Variants in SDR9C7 observed in about 807,000 individuals in gnomAD.
The protein encoded by SDR9C7 is short-chain dehydrogenase/reductase family 9C member 7.
SDR9C7 carries 11 observed loss-of-function variants against 23.6 expected under a neutral mutation model. That is an observed-to-expected ratio of 0.47 (90% CI 0.29 to 0.77). SDR9C7 has a LOEUF of 0.77. Among genes scored for constraint, SDR9C7 ranks in the 30% least tolerant of loss-of-function variants. SDR9C7 has a pLI of 0.09. For synonymous variants in SDR9C7, 167 were observed against 157.3 expected (o/e 1.06, Z -0.46); for missense variants, 387 against 407.1 (o/e 0.95, Z 0.42).
In SDR9C7 at chr12:56,934,200, C is replaced by T; in HGVS notation, c.62G>A (p.Gly21Asp). ...GAAGACGTACTTCTCTGAGAGGTTGCCAACCAGATTGCAGTTCTTGAACCA... is the reference window on the plus strand; with the variant it reads ...GAAGACGTACTTCTCTGAGAGGTTGTCAACCAGATTGCAGTTCTTGAACCA... ...YRWFKNCNLV[G>D]NLSEKYVFIT... The change falls in exon 1 of 4, where the codon GGC becomes GAC. Residue 21 changes from glycine (G) to aspartate (D), a missense_variant. Gly to Asp is a moderately conservative substitution (Grantham distance 94). Coordinates refer to ENST00000293502, the MANE Select transcript of SDR9C7 (RefSeq NM_148897.3). The T allele has an allele frequency of 6.2e-7, 1 of 1,614,156 alleles. No individual in the cohort carries two copies. Among genetic ancestry groups the T allele is most frequent in the East Asian group, 2.2e-5 (1 of 44,874 alleles).
intron 3 of SDR9C7, among the ~76,000 whole-genome samples, chr12:56,925,057 A>T (rs188416591): frequency 8.2e-4 from 125 of 152,258 alleles, no homozygotes; most frequent in African/African-American, 2.9e-3. Context: ...CCCACATTTA[A>T]ACAAAAACAT....
chr12:56,933,983 C>T lies in SDR9C7; in HGVS notation c.279G>A (p.Val93=). Residue 93 remains valine (V), a synonymous_variant, in exon 1 of 4, where the codon GTG becomes GTA. Coordinates refer to ENST00000293502, the MANE Select transcript of SDR9C7 (RefSeq NM_148897.3). The part of the protein sequence containing the change: ...SESIKAAAQW[V]RDKVGEQGLW... Reference sequence around the variant, plus strand: ...CACCTTGTTCGCCCACTTTGTCCCTCACCCACTGGGCCGCCGCCTTGATGC... The same window carrying T: ...CACCTTGTTCGCCCACTTTGTCCCTTACCCACTGGGCCGCCGCCTTGATGC... 2 of 1,609,682 alleles carry T rather than the reference C, an allele frequency of 1.2e-6. No individual in the cohort carries two copies. Among genetic ancestry groups the T allele is most frequent in the East Asian group, 2.2e-5 (1 of 44,758 alleles).
At chr12:56,933,569 G>A (rs1188349695) in intron 1 of SDR9C7, among the ~76,000 whole-genome samples, 2 of 152,058 alleles carry the variant, frequency 1.3e-5, no homozygotes, top group African/African-American at 2.4e-5. Context: ...CATGTTGGCC[G>A]GGATGGTCTC....
intron 1 of SDR9C7, among the ~76,000 whole-genome samples, chr12:56,933,655 G>T (rs1371424984): frequency 2.0e-5 from 3 of 152,230 alleles, no homozygotes; most frequent in Non-Finnish European, 2.9e-5. Flanking sequence ...ACCACGCCCA[G>T]CCAGGCACGT....
chr12:56,932,595 A>G (rs964235269), intron 1 of SDR9C7, among the ~76,000 whole-genome samples: 7 of 152,212 alleles, frequency 4.6e-5, no homozygotes, highest in African/African-American at 9.6e-5. Flanking sequence ...GTGAGGTATT[A>G]AGGCAAGTGG....
At chr12:56,928,220 G>C (rs1955746685) in intron 3 of SDR9C7, among the ~76,000 whole-genome samples, 1 of 152,004 alleles carries the variant, frequency 6.6e-6, no homozygotes, top group South Asian at 2.1e-4. Flanking sequence ...ACCTCCCATT[G>C]CTTCCCACCT....
intron 3 of SDR9C7, among the ~76,000 whole-genome samples, chr12:56,928,107 C>T (rs1402502631): frequency 1.3e-5 from 2 of 152,308 alleles, no homozygotes; most frequent in Middle Eastern, 3.4e-3. Context: ...TCACCATGTT[C>T]TTCAAGCTGT....
intron 3 of SDR9C7, among the ~76,000 whole-genome samples, chr12:56,927,034 G>T (rs1360815470): frequency 6.6e-6 from 1 of 152,096 alleles, no homozygotes; most frequent in East Asian, 1.9e-4. Context: ...ATAAACACTG[G>T]GCAACTGAAG....
At chr12:56,932,700 A>G (rs1270911683) in intron 1 of SDR9C7, among the ~76,000 whole-genome samples, 1 of 152,216 alleles carries the variant, frequency 6.6e-6, no homozygotes, top group Admixed American at 6.5e-5. Context: ...ACTCAAATCT[A>G]TTTATTCAGT....
In SDR9C7 at chr12:56,930,415, T is replaced by A. The variant is rs910306940; in HGVS notation, c.371A>T (p.Asp124Val). 1 of 1,614,168 alleles carries A rather than the reference T, an allele frequency of 6.2e-7. No individual in the cohort carries two copies. Among genetic ancestry groups the A allele is most frequent in the Non-Finnish European group, 8.5e-7 (1 of 1,180,026 alleles). ...PSGPNEWLTK[D>V]DFVKVINVNL... ...CACATTAATCACCTTCACAAAGTCA[T>A]CCTTGGTCAGCCATTCGTTGGGACC... The change falls in exon 2 of 4, where the codon GAT (aspartate) becomes GTT (valine). Residue 124 changes from aspartate to valine, a missense_variant. Transcript: ENST00000293502.
In SDR9C7 at chr12:56,926,769, C is replaced by T. The variant is rs150030148; in HGVS notation, c.724+2621G>A. On this transcript the variant is annotated intron_variant, in intron 3 of 3. Transcript: ENST00000293502. ...ACAATGCTATGTCAGGTCACTAAAA[C>T]GTTGCTCACACCCTTCCTCTTGTGT... Among the ~76,000 whole-genome samples, 12 of 152,314 alleles carry T rather than the reference C, an allele frequency of 7.9e-5. No homozygotes were observed. In the East Asian group the frequency reaches 1.9e-3, roughly 24 times the overall value.
chr12:56,925,331 A>G (rs1007579345), intron 3 of SDR9C7, among the ~76,000 whole-genome samples: 5 of 152,188 alleles, frequency 3.3e-5, no homozygotes, highest in Non-Finnish European at 7.3e-5. Flanking sequence ...TCACCCCAGG[A>G]CAGGGGGATT....
chr12:56,923,226 T>G lies in SDR9C7; in HGVS notation c.*607A>C, dbSNP rs562410405. 3 of 152,222 alleles carry G rather than the reference T, an allele frequency of 2.0e-5. No individual in the cohort carries two copies. The highest frequency in any genetic ancestry group is 4.4e-5 in the Non-Finnish European group (3 of 68,046). 9.4% of individuals were successfully genotyped at this position (152,222 alleles called of 1,614,324 possible). On this transcript the variant is annotated 3_prime_UTR_variant, in exon 4 of 4. Transcript: ENST00000293502. The stretch of plus-strand genomic sequence containing the variant: ...GTAGGTAGTAGGCACTCAATAAATA[T>G]TTGAAAAATTAATGGTGATTAAATA...
chr12:56,927,642 G>C (rs1483019263), intron 3 of SDR9C7, among the ~76,000 whole-genome samples: 3 of 152,216 alleles, frequency 2.0e-5, no homozygotes, highest in Admixed American at 2.0e-4. Context: ...GGTCCTCCAA[G>C]TCGGAGTGTA....
rs1955784149 is a variant in SDR9C7 at position 56,934,114 on chromosome 12, T to C, written c.148A>G (p.Met50Val). 3.1e-6 allele frequency: 5 copies of C among 1,614,216 alleles called. No homozygotes were observed. Among genetic ancestry groups the C allele is most frequent in the Non-Finnish European group, 4.2e-6 (5 of 1,180,034 alleles). ...LLAKQLVDRG[M>V]QVLAACFTEE... Reference sequence around the variant, plus strand: ...GTGAAGCAAGCAGCCAGCACCTGCATGCCCCGATCAACCAGCTGTTTGGCC... The same window carrying C: ...GTGAAGCAAGCAGCCAGCACCTGCACGCCCCGATCAACCAGCTGTTTGGCC... Residue 50 changes from methionine (M) to valine (V), a missense_variant, in exon 1 of 4, where the codon ATG becomes GTG. Transcript: ENST00000293502.
At position 56,923,955 on chromosome 12, in the gene SDR9C7, G is replaced by T. The variant is rs894078139; in HGVS notation, c.820C>A (p.Arg274Ser). The change falls in exon 4 of 4, where the codon CGC becomes AGC. Residue 274 changes from arginine (R) to serine (S), a missense_variant. Arg to Ser is a moderately radical substitution (Grantham distance 110). Transcript: ENST00000293502. The part of the protein sequence containing the change: ...MEHAIVSRSP[R>S]IRYNPGLDAK... ...TCCAGGCCAGGGTTGTAGCGGATGC[G>T]AGGGCTCCGGGAAACAATAGCATGC... 1.2e-6 allele frequency: 2 copies of T among 1,613,946 alleles called. No homozygotes were observed. Among genetic ancestry groups the T allele is most frequent in the South Asian group, 1.1e-5 (1 of 91,088 alleles).
intron 1 of SDR9C7, among the ~76,000 whole-genome samples, chr12:56,932,070 G>T (rs1308634011): frequency 1.3e-5 from 2 of 152,194 alleles, no homozygotes; most frequent in Non-Finnish European, 2.9e-5. Flanking sequence ...CAAAATAATG[G>T]TCCCCCAAAG....
At chr12:56,926,510 C>T (rs12312254) in intron 3 of SDR9C7, among the ~76,000 whole-genome samples, 1,708 of 152,330 alleles carry the variant, frequency 0.011, 70 homozygotes, top group East Asian at 0.11. Context: ...TAATCTCTCC[C>T]CTCCTCAATC....
intron 1 of SDR9C7, among the ~76,000 whole-genome samples, chr12:56,933,353 C>T (rs890898830): frequency 6.6e-6 from 1 of 151,332 alleles, no homozygotes; most frequent in African/African-American, 2.4e-5. Flanking sequence ...GAGGCACATC[C>T]TTTTTTTTTC....
Sources: allele counts gnomAD v4.1 joint callset (sites outside exome capture counted in the v4.1 genomes callset), GRCh38; gene constraint gnomAD v4.1.1; transcripts MANE v1.5; gene names NCBI Gene and HGNC (gene_info 2026-07-23, HGNC 2026-07-21).